MTHFS: variants seen among roughly 807,000 people sequenced by gnomAD.
MTHFS encodes 5-formyltetrahydrofolate cyclo-ligase.
Under a neutral mutation model 12.7 loss-of-function variants are expected in MTHFS, and 7 were observed. The ratio of observed to expected loss-of-function variants is 0.55; its 90% CI spans 0.31 to 1.03. The LOEUF (loss-of-function observed/expected upper bound fraction) is 1.03, where lower values mean the gene tolerates loss of function less well. Ranked by LOEUF, MTHFS falls within the 50% of genes least tolerant of loss-of-function variation. The pLI is 0.05. For synonymous variants in MTHFS, 100 were observed against 97.1 expected, an observed-to-expected ratio of 1.03 and a Z score of -0.18; for missense variants, 252 against 258.1, an observed-to-expected ratio of 0.98 and a Z score of 0.16.
intron 1 of MTHFS, 167 bp downstream of exon 1, chr15:79,896,705 A>T: frequency 1.1e-5 from 14 of 1,246,944 alleles, no homozygotes; most frequent in Non-Finnish European, 1.3e-5. Context: ...CGTCCAGACC[A>T]CGACTAGGGG....
chr15:79,847,867 A>T (rs968549953), intron 2 of MTHFS, among the ~76,000 whole-genome samples: 5 of 152,188 alleles, frequency 3.3e-5, no homozygotes, highest in Non-Finnish European at 7.3e-5. Flanking sequence ...GTTGGCAAGG[A>T]TGTGGAGAAA....
chr15:79,851,885 G>A (rs116998944), intron 2 of MTHFS, among the ~76,000 whole-genome samples: 146 of 152,334 alleles, frequency 9.6e-4, no homozygotes, highest in Non-Finnish European at 1.6e-3. Flanking sequence ...GGTTAAGTGT[G>A]TAGGATTCTA....
At position 79,896,857 on chromosome 15, in the gene MTHFS, C is replaced by T. The variant is rs2034586245; in HGVS notation, c.117+15G>A. On this transcript the variant is annotated intron_variant, in intron 1 of 2. Transcript: ENST00000258874. The stretch of plus-strand genomic sequence containing the variant: ...GGTCTGTCCGCCGCGGCTTCCGCTA[C>T]GGGCGGCCTCGCACCTTCTGGCTCA... 1 of 1,541,374 alleles carries T rather than the reference C, an allele frequency of 6.5e-7. No homozygotes were observed. Among genetic ancestry groups the T allele is most frequent in the Non-Finnish European group, 8.7e-7 (1 of 1,146,174 alleles).
In MTHFS at chr15:79,844,065, A is replaced by G. The variant is rs2033566501; in HGVS notation, c.*1145T>C. The G allele has an allele frequency of 6.6e-6, 1 of 152,300 alleles. No homozygotes were observed. 9.4% of individuals were successfully genotyped at this position (152,300 alleles called of 1,614,324 possible). Reference sequence around the variant, plus strand: ...AGTTGGGAGAGAAGAGGCTAGAAAAAGTAGATGAGGAGACCTCTCTTAAGG... The same window carrying G: ...AGTTGGGAGAGAAGAGGCTAGAAAAGGTAGATGAGGAGACCTCTCTTAAGG... On this transcript the variant is annotated 3_prime_UTR_variant, in exon 3 of 3. Transcript: ENST00000258874.
At chr15:79,882,596 T>A (rs2034314575) in intron 2 of MTHFS, among the ~76,000 whole-genome samples, 3 of 152,194 alleles carry the variant, frequency 2.0e-5, no homozygotes, top group South Asian at 4.1e-4. Flanking sequence ...CTGCTTCTTT[T>A]GCCTCCTCAC....
chr15:79,885,052 G>T lies in MTHFS; in HGVS notation c.379+4041C>A, dbSNP rs149255080. On this transcript the variant is annotated intron_variant, in intron 2 of 2. Transcript: ENST00000258874. Reference sequence around the variant, plus strand: ...ATGACTCCATCAAATATGCCTTGATGAAATCCATACCCACTATCTTTTATT... The same window carrying T: ...ATGACTCCATCAAATATGCCTTGATTAAATCCATACCCACTATCTTTTATT... Among the ~76,000 whole-genome samples the T allele has an allele frequency of 1.4e-4, 21 of 152,304 alleles. No homozygotes were observed. The East Asian group carries it at 4.0e-3, about 29-fold the overall frequency.
In MTHFS at chr15:79,862,051, T is replaced by A. The variant is rs1214990150; in HGVS notation, c.380-16609A>T. 2.0e-5 allele frequency among the ~76,000 whole-genome samples: 3 copies of A among 152,182 alleles called. No homozygotes were observed. The South Asian group carries it at 6.2e-4, about 31-fold the overall frequency. On this transcript the variant is annotated intron_variant, in intron 2 of 2. Coordinates refer to ENST00000258874, the MANE Select transcript of MTHFS (RefSeq NM_006441.4). Reference sequence around the variant, plus strand: ...GTAATTACTTTTATGAATGAATGAATTGTTGCTCTACTGTTTGGCTTTTTT... The same window carrying A: ...GTAATTACTTTTATGAATGAATGAAATGTTGCTCTACTGTTTGGCTTTTTT...
chr15:79,843,754 G>T lies in MTHFS; in HGVS notation c.*1456C>A, dbSNP rs1025459457. On this transcript the variant is annotated 3_prime_UTR_variant, in exon 3 of 3. Coordinates refer to ENST00000258874, the MANE Select transcript of MTHFS (RefSeq NM_006441.4). ...TCACTTCTTTTCTTTGGAGCTCACA[G>T]TATGGTGAAGGGGACAGATATGACA... 2.6e-5 allele frequency: 4 copies of T among 152,214 alleles called. No homozygotes were observed. The highest frequency in any genetic ancestry group is 9.6e-5 in the African/African-American group (4 of 41,456). 9.4% of individuals were successfully genotyped at this position (152,214 alleles called of 1,614,324 possible).
At chr15:79,862,789 C>T (rs2141351836) in intron 2 of MTHFS, among the ~76,000 whole-genome samples, 1 of 152,246 alleles carries the variant, frequency 6.6e-6, no homozygotes, top group East Asian at 1.9e-4. Context: ...GTTTCAAAAA[C>T]ATTTCACCTA....
intron 1 of MTHFS, among the ~76,000 whole-genome samples, chr15:79,891,963 CAAAAAAAAAA>C (rs57309663): frequency 1.2e-4 from 10 of 84,290 alleles, no homozygotes; most frequent in Admixed American, 1.6e-4. Context: ...AACTCCATCT[CAAAAAAAAAA>C]AAAAAAAAAA....
intron 2 of MTHFS, among the ~76,000 whole-genome samples, chr15:79,882,858 C>A (rs1403364999): frequency 6.6e-6 from 1 of 152,172 alleles, no homozygotes; most frequent in African/African-American, 2.4e-5. Flanking sequence ...AAGGTTATTC[C>A]CCCAGGCAGG....
At chr15:79,866,866 G>GA (rs1450531848) in intron 2 of MTHFS, among the ~76,000 whole-genome samples, 1 of 152,108 alleles carries the variant, frequency 6.6e-6, no homozygotes, top group Admixed American at 6.5e-5. Flanking sequence ...TGAGACAGGA[G>GA]AATCGCTTGA....
intron 2 of MTHFS, among the ~76,000 whole-genome samples, chr15:79,870,824 G>A (rs1393645438): frequency 6.6e-6 from 1 of 152,144 alleles, no homozygotes; most frequent in African/African-American, 2.4e-5. Context: ...TTAAACACCA[G>A]TTTATGTTGA....
intron 2 of MTHFS, among the ~76,000 whole-genome samples, chr15:79,879,300 T>A (rs1009244820): frequency 6.6e-6 from 1 of 151,536 alleles, no homozygotes; most frequent in Admixed American, 6.6e-5. Context: ...ATATTTTGTG[T>A]TTTACCTTTA....
intron 2 of MTHFS, among the ~76,000 whole-genome samples, chr15:79,860,205 T>C (rs536425832): frequency 2.0e-4 from 31 of 152,134 alleles, no homozygotes; most frequent in Admixed American, 7.9e-4. Context: ...CTGGCTAACA[T>C]GGTGAAACCC....
chr15:79,851,767 G>C (rs150860346), intron 2 of MTHFS, among the ~76,000 whole-genome samples: 1 of 152,180 alleles, frequency 6.6e-6, no homozygotes, highest in Admixed American at 6.5e-5. Flanking sequence ...TGCTGTTCCA[G>C]ATGGATAATA....
intron 2 of MTHFS, among the ~76,000 whole-genome samples, chr15:79,875,295 A>G (rs1407074832): frequency 1.3e-5 from 2 of 151,926 alleles, no homozygotes; most frequent in African/African-American, 2.4e-5. Context: ...AAAAATCACT[A>G]GAGATCCTCA....
chr15:79,859,728 G>T (rs534174976), intron 2 of MTHFS, among the ~76,000 whole-genome samples: 160 of 145,976 alleles, frequency 1.1e-3, no homozygotes, highest in East Asian at 8.9e-3. Context: ...TGAGGCAGAA[G>T]AATTGCTTGA....
intron 2 of MTHFS, among the ~76,000 whole-genome samples, chr15:79,883,369 T>C (rs2034329006): frequency 6.6e-6 from 1 of 152,236 alleles, no homozygotes; most frequent in Non-Finnish European, 1.5e-5. Context: ...TTCAAAACTG[T>C]TAGCTTCACC....
Sources: allele counts gnomAD v4.1 joint callset (sites outside exome capture counted in the v4.1 genomes callset), GRCh38; gene constraint gnomAD v4.1.1; transcripts MANE v1.5; gene names NCBI Gene and HGNC (gene_info 2026-07-23, HGNC 2026-07-21).